ME1: variants seen among roughly 807,000 people sequenced by gnomAD.
ME1 encodes malic enzyme 1.
A neutral mutation model predicts 66.4 loss-of-function variants in ME1; 74 were observed. The ratio of observed to expected loss-of-function variants is 1.11; its 90% confidence interval spans 0.92 to 1.35. The LOEUF (loss-of-function observed/expected upper bound fraction) is 1.35. Among genes scored for constraint, ME1 ranks in the 40% most tolerant of loss-of-function variants. The probability of loss-of-function intolerance (pLI) is 0.00; values close to 1 mark genes in which losing one functional copy is unlikely to be tolerated. For missense variants in ME1, 750 were observed against 694.1 expected (o/e 1.08, Z -0.90); for synonymous variants, 251 against 235.6 (o/e 1.07, Z -0.60).
At chr6:83,323,539 T>G (rs533682692) in intron 5 of ME1, among the ~76,000 whole-genome samples, 2 of 151,368 alleles carry the variant, frequency 1.3e-5, no homozygotes, top group Middle Eastern at 6.8e-3. Context: ...GTTGCAATTC[T>G]GGTCTCTGAT....
rs76540316 is a variant in ME1 at position 83,372,714 on chromosome 6, C to T, written c.363-20575G>A. Among the ~76,000 whole-genome samples the T allele has an allele frequency of 6.6e-5, 10 of 152,252 alleles. No individual in the cohort carries two copies. In the East Asian group the frequency reaches 1.9e-3, roughly 29 times the overall value. On this transcript the variant is annotated intron_variant, in intron 3 of 13. Coordinates refer to ENST00000369705, the MANE Select transcript of ME1 (RefSeq NM_002395.6). ...TATTCCTGTTACAGGTAAACTCTAA[C>T]ACTAGAATGAGGGTATTTTTAGTTC...
At chr6:83,251,946 A>C (rs1021573922) in intron 7 of ME1, among the ~76,000 whole-genome samples, 2 of 152,214 alleles carry the variant, frequency 1.3e-5, no homozygotes, top group Non-Finnish European at 2.9e-5. Flanking sequence ...TACATCTGAC[A>C]AATTGTAGAG....
At chr6:83,320,889 G>C (rs541663368) in intron 5 of ME1, among the ~76,000 whole-genome samples, 4 of 152,146 alleles carry the variant, frequency 2.6e-5, no homozygotes, top group Admixed American at 2.6e-4. Flanking sequence ...AACAGCTCCG[G>C]TCTGCAGCTC....
chr6:83,268,114 A>G (rs766641226), intron 6 of ME1, among the ~76,000 whole-genome samples: 1 of 152,178 alleles, frequency 6.6e-6, no homozygotes, highest in Admixed American at 6.5e-5. Flanking sequence ...TGTTAGCTGA[A>G]CTGCAGAACA....
chr6:83,373,282 C>A (rs532327441), intron 3 of ME1, among the ~76,000 whole-genome samples: 1 of 152,118 alleles, frequency 6.6e-6, no homozygotes, highest in East Asian at 1.9e-4. Flanking sequence ...ATCGCCCAGG[C>A]TGGAGTGCAG....
At chr6:83,429,098 C>T (rs563626911) in intron 1 of ME1, among the ~76,000 whole-genome samples, 1 of 152,120 alleles carries the variant, frequency 6.6e-6, no homozygotes, top group South Asian at 2.1e-4. Context: ...CCAGTCTGTA[C>T]TAAAAGTACA....
chr6:83,352,040 T>C (rs762151082), intron 4 of ME1, 24 bp downstream of exon 4: 2 of 1,513,840 alleles, frequency 1.3e-6, no homozygotes, highest in East Asian at 2.3e-5. Context: ...AAATTTGCTA[T>C]AGTGGAAAAA....
intron 3 of ME1, among the ~76,000 whole-genome samples, chr6:83,385,167 A>T (rs755665662): frequency 6.6e-6 from 1 of 151,906 alleles, no homozygotes; most frequent in Non-Finnish European, 1.5e-5. Context: ...GACACTTCAA[A>T]ACCATGGTAT....
At chr6:83,343,057 C>T (rs1306642057) in intron 5 of ME1, among the ~76,000 whole-genome samples, 1 of 152,172 alleles carries the variant, frequency 6.6e-6, no homozygotes, top group Non-Finnish European at 1.5e-5. Context: ...ATATACAATA[C>T]AGTGTTGGTA....
At chr6:83,266,921 T>C (rs940235332) in intron 6 of ME1, among the ~76,000 whole-genome samples, 4 of 152,188 alleles carry the variant, frequency 2.6e-5, no homozygotes, top group African/African-American at 9.6e-5. Flanking sequence ...TCCTTTCACA[T>C]TAAACCATTT....
intron 5 of ME1, among the ~76,000 whole-genome samples, chr6:83,331,996 T>A (rs1022588699): frequency 7.9e-5 from 12 of 152,226 alleles, no homozygotes; most frequent in Admixed American, 7.8e-4. Flanking sequence ...TGAAAAGATT[T>A]GGCAACAGCA....
chr6:83,386,376 T>G (rs1188212908), intron 3 of ME1, among the ~76,000 whole-genome samples: 1 of 151,972 alleles, frequency 6.6e-6, no homozygotes, highest in African/African-American at 2.4e-5. Context: ...TTCAAAAGTT[T>G]CCTAGATATT....
intron 5 of ME1, among the ~76,000 whole-genome samples, chr6:83,329,896 C>T (rs974807589): frequency 2.0e-5 from 3 of 152,202 alleles, no homozygotes; most frequent in Non-Finnish European, 4.4e-5. Flanking sequence ...TCATAGACAG[C>T]TCACTATAGC....
chr6:83,259,806 TTA>T (rs1766850590), intron 6 of ME1, among the ~76,000 whole-genome samples: 1 of 151,942 alleles, frequency 6.6e-6, no homozygotes, highest in South Asian at 2.1e-4. Context: ...ACCACTCCTT[TTA>T]TTATATTTTA....
chr6:83,384,560 T>C (rs2128548991), intron 3 of ME1, among the ~76,000 whole-genome samples: 1 of 152,024 alleles, frequency 6.6e-6, no homozygotes, highest in Non-Finnish European at 1.5e-5. Flanking sequence ...CTTTGTCAGA[T>C]GCATAGTTTG....
chr6:83,382,782 T>A (rs1195067537), intron 3 of ME1, among the ~76,000 whole-genome samples: 1 of 151,986 alleles, frequency 6.6e-6, no homozygotes, highest in African/African-American at 2.4e-5. Flanking sequence ...ATAATCAATC[T>A]AAGATAAGAA....
intron 6 of ME1, among the ~76,000 whole-genome samples, chr6:83,313,061 G>A (rs944816217): frequency 3.3e-5 from 5 of 152,096 alleles, no homozygotes; most frequent in South Asian, 2.1e-4. Context: ...CTGGCCCAAG[G>A]GTACTCCTTA....
Position 83,398,470 on chromosome 6 carries a change from A to AT in ME1, c.258_259insA (p.Tyr87IlefsTer2), listed in dbSNP as rs1303440288. ...TCAATGTCAGATGTCAGCACTCTAT[A>AT]AAAGAGTTTTTCATTTCTATCTTGG... On this transcript the variant is annotated frameshift_variant, in exon 3 of 14. Coordinates refer to ENST00000369705, the MANE Select transcript of ME1 (RefSeq NM_002395.6). LOFTEE classifies it high-confidence loss of function. 1.5e-5 allele frequency: 23 copies of AT among 1,584,062 alleles called. No homozygotes were observed. The highest frequency in any genetic ancestry group is 1.9e-5 in the Non-Finnish European group (22 of 1,160,942).
intron 5 of ME1, among the ~76,000 whole-genome samples, chr6:83,321,114 A>G (rs866078611): frequency 3.7e-4 from 57 of 152,188 alleles, no homozygotes; most frequent in African/African-American, 1.3e-3. Flanking sequence ...GCGACTATGC[A>G]CTCTGGCTCA....
Sources: allele counts gnomAD v4.1 joint callset (sites outside exome capture counted in the v4.1 genomes callset), GRCh38; gene constraint gnomAD v4.1.1; transcripts MANE v1.5; gene names NCBI Gene and HGNC (gene_info 2026-07-23, HGNC 2026-07-21).